CCDC152: variants seen among roughly 807,000 people sequenced by gnomAD.
CCDC152 encodes the protein coiled-coil domain containing 152.
In CCDC152, 37 loss-of-function variants were observed where a neutral mutation model predicts 38.1. The ratio of observed to expected loss-of-function variants is 0.97; its 90% CI spans 0.75 to 1.28. The LOEUF is 1.28. CCDC152 is among the 50% of genes most tolerant of loss of function. CCDC152 has a pLI of 0.00. For missense variants in CCDC152, 259 were observed against 292.1 expected, an observed-to-expected ratio of 0.89 and a Z score of 0.83; for synonymous variants, 83 against 87.1, an observed-to-expected ratio of 0.95 and a Z score of 0.26.
chr5:42,766,535 T>C (rs1759626635), intron 3 of CCDC152, among the ~76,000 whole-genome samples: 1 of 152,150 alleles, frequency 6.6e-6, no homozygotes. Flanking sequence ...GATGAATGAA[T>C]AAAGAAAATG....
At chr5:42,797,124 A>G (rs1211736149) in intron 7 of CCDC152, among the ~76,000 whole-genome samples, 168 bp downstream of exon 7, 1 of 152,242 alleles carries the variant, frequency 6.6e-6, no homozygotes, top group East Asian at 1.9e-4. Context: ...CACATACCAT[A>G]CAACTGTCAT....
At position 42,772,789 on chromosome 5, in the gene CCDC152, A is replaced by G. The variant is rs111444723; in HGVS notation, c.262+3124A>G. On this transcript the variant is annotated intron_variant, in intron 4 of 8. Coordinates refer to ENST00000361970, the MANE Select transcript of CCDC152 (RefSeq NM_001134848.2). The stretch of plus-strand genomic sequence containing the variant: ...GCAAGGTAATAGATAAGAACTATCT[A>G]TATTTGACCATTTTCATCCAATTGA... Among the ~76,000 whole-genome samples, 1,186 of 152,332 alleles carry G rather than the reference A, an allele frequency of 7.8e-3. 17 individuals carry two copies. Among genetic ancestry groups the G allele is most frequent in the African/African-American group, 0.026 (1,074 of 41,570 alleles).
rs903638933 is a variant in CCDC152, at chr5:42,801,248, A to G, written c.*1467A>G. The G allele has an allele frequency of 6.2e-7, 1 of 1,614,172 alleles. No homozygotes were observed. The highest frequency in any genetic ancestry group is 8.5e-7 in the Non-Finnish European group (1 of 1,180,002). On this transcript the variant is annotated 3_prime_UTR_variant, in exon 9 of 9. Coordinates refer to ENST00000361970, the MANE Select transcript of CCDC152 (RefSeq NM_001134848.2). The stretch of plus-strand genomic sequence containing the variant: ...GTCCATGATTGTGATGATGCTCATG[A>G]TGGTAATGAGGCGATGGAGTTTCAA...
intron 4 of CCDC152, among the ~76,000 whole-genome samples, chr5:42,776,330 A>T (rs1759768320): frequency 6.6e-6 from 1 of 152,168 alleles, no homozygotes; most frequent in African/African-American, 2.4e-5. Context: ...AGCATGAAAA[A>T]TTATCCAGGA....
rs565477894 is a variant in CCDC152 at position 42,800,489 on chromosome 5, A to T, written c.*708A>T. The T allele has an allele frequency of 2.2e-6, 1 of 461,840 alleles. No homozygotes were observed. Among genetic ancestry groups the T allele is most frequent in the African/African-American group, 2.0e-5 (1 of 50,052 alleles). 28.6% of individuals were successfully genotyped at this position (461,840 alleles called of 1,614,324 possible). The stretch of plus-strand genomic sequence containing the variant: ...ACACTGGAAAAAGAAAAAAAAAGAC[A>T]TATTAACCAAAAGCTGCAATCACCT... On this transcript the variant is annotated 3_prime_UTR_variant, in exon 9 of 9. Coordinates refer to ENST00000361970, the MANE Select transcript of CCDC152 (RefSeq NM_001134848.2).
intron 6 of CCDC152, among the ~76,000 whole-genome samples, chr5:42,788,873 A>G (rs553396512): frequency 8.5e-5 from 13 of 152,272 alleles, no homozygotes; most frequent in African/African-American, 3.1e-4. Context: ...GGTTCCCCGT[A>G]CTTGCCAAAC....
intron 4 of CCDC152, among the ~76,000 whole-genome samples, chr5:42,772,099 G>A (rs1166310221): frequency 1.3e-5 from 2 of 152,020 alleles, no homozygotes; most frequent in African/African-American, 4.8e-5. Flanking sequence ...TGCAAGTATG[G>A]TTCTGTATAC....
chr5:42,791,184 A>AT (rs1336132802), intron 6 of CCDC152, among the ~76,000 whole-genome samples: 1 of 152,110 alleles, frequency 6.6e-6, no homozygotes. Flanking sequence ...TCCATTTTTT[A>AT]TTTTTTTAAA....
intron 3 of CCDC152, among the ~76,000 whole-genome samples, chr5:42,763,335 A>C (rs926229472): frequency 6.6e-6 from 1 of 152,238 alleles, no homozygotes; most frequent in African/African-American, 2.4e-5. Flanking sequence ...ATAAATAAAC[A>C]ATTGGGGAAG....
intron 6 of CCDC152, among the ~76,000 whole-genome samples, chr5:42,787,276 G>A (rs1759934682): frequency 6.6e-6 from 1 of 151,796 alleles, no homozygotes; most frequent in South Asian, 2.1e-4. Context: ...GGTCTAGTCT[G>A]TTGCTAAAAC....
At chr5:42,784,700 CTA>C (rs578149036) in intron 6 of CCDC152, among the ~76,000 whole-genome samples, 223 of 151,876 alleles carry the variant, frequency 1.5e-3, no homozygotes, top group African/African-American at 4.9e-3. Flanking sequence ...AGAGTTTTTC[CTA>C]TGTTTTCTTT....
rs375727466 is a variant in CCDC152 at position 42,774,065 on chromosome 5, C to T, written c.262+4400C>T. Among the ~76,000 whole-genome samples, 7 of 152,256 alleles carry T rather than the reference C, an allele frequency of 4.6e-5. No individual in the cohort carries two copies. The South Asian group carries it at 8.3e-4, about 18-fold the overall frequency. ...AACATTGAGCAAACTGAAAAATCAA[C>T]AATTCTTAGACTTTTGATCAGAGAA... On this transcript the variant is annotated intron_variant, in intron 4 of 8. Transcript: ENST00000361970.
At chr5:42,760,539 ATCCTCCC>A (rs1759539199) in intron 2 of CCDC152, among the ~76,000 whole-genome samples, 1 of 152,328 alleles carries the variant, frequency 6.6e-6, no homozygotes, top group East Asian at 1.9e-4. Flanking sequence ...TATTGGGTTT[ATCCTCCC>A]TCCTCTGCCT....
In CCDC152 at chr5:42,800,620, C is replaced by A. The variant is rs1225782978; in HGVS notation, c.*839C>A. ...TAGATTTCTCCATGTTTGCACAAAT[C>A]TAATTTCTATTTTTGGTTCACTAAT... On this transcript the variant is annotated 3_prime_UTR_variant, in exon 9 of 9. Transcript: ENST00000361970. The A allele has an allele frequency of 4.4e-6, 6 of 1,374,928 alleles. No homozygotes were observed. The African/African-American group carries it at 7.2e-5, about 17-fold the overall frequency. The allele number at this position is 1,374,928 out of a possible 1,614,324, so 85.2% of individuals were successfully genotyped here.
At chr5:42,799,272 G>A (rs905366710) in intron 7 of CCDC152, 103 bp from the exon 8 acceptor site, 1 of 605,360 alleles carries the variant, frequency 1.7e-6, no homozygotes, top group Non-Finnish European at 2.8e-6. Flanking sequence ...ATTTACACCT[G>A]AATTACAGAT....
chr5:42,778,150 G>A (rs746972081), intron 4 of CCDC152, among the ~76,000 whole-genome samples: 11 of 152,132 alleles, frequency 7.2e-5, no homozygotes, highest in Non-Finnish European at 1.6e-4. Context: ...AGTGACTAGG[G>A]CACATGCCAC....
intron 3 of CCDC152, among the ~76,000 whole-genome samples, chr5:42,764,791 T>C (rs1217213535): frequency 6.6e-6 from 1 of 152,022 alleles, no homozygotes; most frequent in Non-Finnish European, 1.5e-5. Flanking sequence ...ATAAAAGCAA[T>C]ATATGACAGA....
rs1223075240 is a variant in CCDC152 at position 42,802,249 on chromosome 5, T to C, written c.*2468T>C. 4 of 152,216 alleles carry C rather than the reference T, an allele frequency of 2.6e-5. No individual in the cohort carries two copies. The highest frequency in any genetic ancestry group is 4.1e-4 in the South Asian group (2 of 4,830). The allele number at this position is 152,216 out of a possible 1,614,324, so 9.4% of individuals were successfully genotyped here. On this transcript the variant is annotated 3_prime_UTR_variant, in exon 9 of 9. Transcript: ENST00000361970. ...AATTTACTGGAAGTCTTTACTGTTT[T>C]GTGGTACCTACTAATCAGAGACTCA... is the stretch of plus-strand genomic sequence containing the variant.
intron 5 of CCDC152, among the ~76,000 whole-genome samples, chr5:42,781,134 G>T (rs956108022): frequency 3.3e-5 from 5 of 152,114 alleles, no homozygotes; most frequent in African/African-American, 1.2e-4. Flanking sequence ...AATCAGTGGA[G>T]AATAGAAAGG....
Sources: allele counts gnomAD v4.1 joint callset (sites outside exome capture counted in the v4.1 genomes callset), GRCh38; gene constraint gnomAD v4.1.1; transcripts MANE v1.5; gene names NCBI Gene and HGNC (gene_info 2026-07-23, HGNC 2026-07-21).